PLA2G4E: variants seen among roughly 807,000 people sequenced by gnomAD.
PLA2G4E encodes cytosolic phospholipase A2 epsilon.
PLA2G4E carries 84 observed loss-of-function variants against 109.1 expected under a neutral mutation model. The ratio of observed to expected loss-of-function variants is 0.77; its 90% CI spans 0.65 to 0.92. The LOEUF is 0.92. PLA2G4E is among the 40% of genes least tolerant of loss of function. The pLI is 0.00. For synonymous variants in PLA2G4E, 469 were observed against 436.1 expected (o/e 1.08, Z -0.94); for missense variants, 1,057 against 1,076.6 (o/e 0.98, Z 0.25).
In PLA2G4E at chr15:42,027,924, T is replaced by C. The variant is rs2068706478; in HGVS notation, c.184-14167A>G. Among the ~76,000 whole-genome samples the C allele has an allele frequency of 2.0e-5, 3 of 152,272 alleles. No individual in the cohort carries two copies. In the South Asian group the frequency reaches 6.2e-4, roughly 31 times the overall value. On this transcript the variant is annotated intron_variant, in intron 1 of 19. Transcript: ENST00000399518. Reference sequence around the variant, plus strand: ...CTTCTGTGTTGCTCTATTAACATAATTCATCATATGCTCACTAATCTTGTT... The same window carrying C: ...CTTCTGTGTTGCTCTATTAACATAACTCATCATATGCTCACTAATCTTGTT...
At chr15:42,000,244 T>C in exon 8 of PLA2G4E, 2 of 1,579,770 alleles carry the variant, frequency 1.3e-6, no homozygotes, top group Non-Finnish European at 8.6e-7. Flanking sequence ...CGCTGGGTGT[T>C]CTCAAAGGAT....
chr15:41,992,872 C>T (rs915502204), exon 13 of PLA2G4E: 3 of 1,614,072 alleles, frequency 1.9e-6, no homozygotes, highest in East Asian at 4.5e-5. Context: ...GTAGCTTGTC[C>T]TTTACCACAT....
chr15:42,010,177 G>A (rs535569211), intron 2 of PLA2G4E: 5 of 515,548 alleles, frequency 9.7e-6, no homozygotes, highest in East Asian at 5.8e-5. Flanking sequence ...GTCTGTCTCC[G>A]GTACGCTGGG....
rs148539500 is a variant in PLA2G4E at position 42,022,023 on chromosome 15, C to T, written c.184-8266G>A. ...CTCCTGGCTTCCTTCCTTGCCCTGC[C>T]CTCCCCTCCTCTGCCAAGGATGGGG... is the stretch of plus-strand genomic sequence containing the variant. On this transcript the variant is annotated intron_variant, in intron 1 of 19. Transcript: ENST00000399518. Among the ~76,000 whole-genome samples, 325 of 152,312 alleles carry T rather than the reference C, an allele frequency of 2.1e-3. 2 individuals are homozygous for T. The highest frequency in any genetic ancestry group is 7.6e-3 in the African/African-American group (317 of 41,560).
At chr15:42,034,810 G>T (rs1391334318) in intron 1 of PLA2G4E, among the ~76,000 whole-genome samples, 1 of 152,242 alleles carries the variant, frequency 6.6e-6, no homozygotes, top group Non-Finnish European at 1.5e-5. Context: ...ACATGATCTG[G>T]ACTGCTAGAT....
intron 1 of PLA2G4E, among the ~76,000 whole-genome samples, chr15:42,047,048 T>C (rs1889428841): frequency 6.6e-6 from 1 of 152,250 alleles, no homozygotes; most frequent in Non-Finnish European, 1.5e-5. Flanking sequence ...GAGGAGCTAT[T>C]TGAAGACTGG....
intron 3 of PLA2G4E, among the ~76,000 whole-genome samples, chr15:42,006,834 G>A (rs1216325976): frequency 6.6e-6 from 1 of 152,072 alleles, no homozygotes; most frequent in Admixed American, 6.5e-5. Context: ...GGTTCCCAAC[G>A]GGATGTGATT....
At chr15:42,018,961 G>A (rs933048258) in intron 1 of PLA2G4E, among the ~76,000 whole-genome samples, 6 of 152,224 alleles carry the variant, frequency 3.9e-5, no homozygotes, top group African/African-American at 1.4e-4. Context: ...AGGCCCAGCT[G>A]GGCTGTGCTC....
chr15:42,011,909 G>A (rs190394219), intron 2 of PLA2G4E, among the ~76,000 whole-genome samples: 143 of 152,212 alleles, frequency 9.4e-4, no homozygotes, highest in Middle Eastern at 3.4e-3. Flanking sequence ...AGGTGGCCAC[G>A]TCCTGGATCC....
At chr15:42,032,920 C>G (rs1478156476) in intron 1 of PLA2G4E, among the ~76,000 whole-genome samples, 2 of 152,068 alleles carry the variant, frequency 1.3e-5, no homozygotes, top group Admixed American at 1.3e-4. Flanking sequence ...TTGGCAGGAT[C>G]CAGGGCAGGG....
chr15:42,016,184 C>T (rs1189907400), intron 1 of PLA2G4E, among the ~76,000 whole-genome samples: 12 of 145,944 alleles, frequency 8.2e-5, no homozygotes, highest in Non-Finnish European at 1.6e-4. Flanking sequence ...AAACAAGATA[C>T]GAAGAAAAAA....
intron 1 of PLA2G4E, among the ~76,000 whole-genome samples, chr15:42,035,394 T>C (rs1002466262): frequency 6.6e-6 from 1 of 152,218 alleles, no homozygotes; most frequent in Non-Finnish European, 1.5e-5. Flanking sequence ...ACCTGTAAAC[T>C]GGGACAGATG....
intron 6 of PLA2G4E, 41 bp from the exon 7 acceptor site, chr15:42,001,261 A>C (rs528339960): frequency 6.5e-7 from 1 of 1,548,876 alleles, no homozygotes; most frequent in African/African-American, 1.4e-5. Flanking sequence ...TCTGAGCACC[A>C]GCCACCTCCT....
intron 12 of PLA2G4E, among the ~76,000 whole-genome samples, chr15:41,995,034 G>A (rs2068315031): frequency 6.6e-6 from 1 of 152,232 alleles, no homozygotes; most frequent in Admixed American, 6.5e-5. Flanking sequence ...TCATGTTCCT[G>A]GGTCCATACC....
intron 1 of PLA2G4E, among the ~76,000 whole-genome samples, chr15:42,025,589 T>A (rs545478386): frequency 6.6e-6 from 1 of 152,080 alleles, no homozygotes; most frequent in Non-Finnish European, 1.5e-5. Context: ...CTGGGACCCA[T>A]TGTATGCAGG....
At chr15:41,990,489 G>A (rs1012079676) in intron 13 of PLA2G4E, among the ~76,000 whole-genome samples, 1 of 152,214 alleles carries the variant, frequency 6.6e-6, no homozygotes, top group East Asian at 1.9e-4. Flanking sequence ...GTCTCTCAGA[G>A]TCCCAGGGTC....
At chr15:41,993,030 A>T (rs2068278263) in intron 12 of PLA2G4E, 71 bp from the exon 13 acceptor site, 1 of 1,393,342 alleles carries the variant, frequency 7.2e-7, no homozygotes, top group African/African-American at 1.4e-5. Flanking sequence ...CCCGGGCAGG[A>T]GGGAAGGTGG....
At chr15:42,040,292 T>C (rs915448655) in intron 1 of PLA2G4E, among the ~76,000 whole-genome samples, 3 of 152,208 alleles carry the variant, frequency 2.0e-5, no homozygotes, top group Admixed American at 6.5e-5. Context: ...TAATTACATG[T>C]ACAAATGACA....
rs541276104 is a variant in PLA2G4E at position 42,000,310 on chromosome 15, C to T, written c.674-28G>A. 8.9e-5 allele frequency: 137 copies of T among 1,537,532 alleles called. No individual in the cohort carries two copies. In the South Asian group the frequency reaches 1.5e-3, roughly 17 times the overall value. On this transcript the variant is annotated intron_variant, in intron 7 of 19. Transcript: ENST00000399518. ...GGGAGAGAGGACAAGAGGGTGAGAC[C>T]CTGGGAGCCTCTCACTACCCACCTG...
Sources: allele counts gnomAD v4.1 joint callset (sites outside exome capture counted in the v4.1 genomes callset), GRCh38; gene constraint gnomAD v4.1.1; transcripts MANE v1.5; gene names NCBI Gene and HGNC (gene_info 2026-07-23, HGNC 2026-07-21).